Variants in ZNF503 observed in about 807,000 individuals in gnomAD.
ZNF503 encodes the protein NocA-like zinc finger 2.
Under a neutral mutation model 34.4 loss-of-function variants are expected in ZNF503, and 15 were observed. The ratio of observed to expected loss-of-function variants is 0.44; its 90% CI spans 0.29 to 0.67. The LOEUF (loss-of-function observed/expected upper bound fraction) is 0.67, where lower values mean the gene tolerates loss of function less well. Among genes scored for constraint, ZNF503 ranks in the 30% least tolerant of loss-of-function variants. The probability of loss-of-function intolerance (pLI) is 0.13; values close to 1 mark genes in which losing one functional copy is unlikely to be tolerated. For missense variants in ZNF503, 1,007 were observed against 926.8 expected, an observed-to-expected ratio of 1.09 and a Z score of -1.12; for synonymous variants, 580 against 456.8, an observed-to-expected ratio of 1.27 and a Z score of -3.44.
the ZNF503 span, among the ~76,000 whole-genome samples, chr10:75,356,356 A>G: frequency 6.6e-6 from 1 of 152,148 alleles, no homozygotes; most frequent in African/African-American, 2.4e-5. Context: ...AGCTGGGACT[A>G]CACGCACCTG....
chr10:75,289,678 C>T, the ZNF503 span, among the ~76,000 whole-genome samples: 6 of 152,158 alleles, frequency 3.9e-5, no homozygotes, highest in South Asian at 2.1e-4. Context: ...CTCCGCCTCC[C>T]GAGTTCAAGT....
At chr10:75,364,913 G>A in the ZNF503 span, among the ~76,000 whole-genome samples, 1 of 152,212 alleles carries the variant, frequency 6.6e-6, no homozygotes, top group African/African-American at 2.4e-5. Flanking sequence ...GGCTCAGAGA[G>A]CAGGTTTAGG....
At chr10:75,342,692 G>A in the ZNF503 span, among the ~76,000 whole-genome samples, 1 of 152,012 alleles carries the variant, frequency 6.6e-6, no homozygotes, top group Non-Finnish European at 1.5e-5. Flanking sequence ...TTGTGGGTGT[G>A]GTTTGCTCCT....
chr10:75,313,346 T>C, the ZNF503 span, among the ~76,000 whole-genome samples: 529 of 152,252 alleles, frequency 3.5e-3, 4 homozygotes, highest in African/African-American at 0.012. Context: ...AGAACAGTTG[T>C]ATTAGATTCA....
chr10:75,347,249 T>C, the ZNF503 span, among the ~76,000 whole-genome samples: 4 of 152,190 alleles, frequency 2.6e-5, no homozygotes, highest in Non-Finnish European at 1.5e-5. Flanking sequence ...GTGACTATGT[T>C]CATGTCTCCA....
At chr10:75,339,544 A>T in the ZNF503 span, among the ~76,000 whole-genome samples, 49,461 of 152,068 alleles carry the variant, frequency 0.33, 8,301 homozygotes, top group South Asian at 0.41. Flanking sequence ...TAGACATTCA[A>T]GGTGCTGTGA....
At chr10:75,289,454 G>A in the ZNF503 span, among the ~76,000 whole-genome samples, 1 of 152,154 alleles carries the variant, frequency 6.6e-6, no homozygotes, top group Non-Finnish European at 1.5e-5. Context: ...ACTGAAAATG[G>A]TTTGTCTCTG....
chr10:75,329,411 T>G, the ZNF503 span, among the ~76,000 whole-genome samples: 1 of 89,446 alleles, frequency 1.1e-5, no homozygotes, highest in East Asian at 3.4e-4. Flanking sequence ...CCTTCCTTCC[T>G]TCCTTTCCTT....
the ZNF503 span, among the ~76,000 whole-genome samples, chr10:75,379,617 A>G: frequency 6.6e-6 from 1 of 152,226 alleles, no homozygotes; most frequent in Non-Finnish European, 1.5e-5. Context: ...TCTGTGATCC[A>G]GAATACATTA....
At chr10:75,392,544 A>G in the ZNF503 span, among the ~76,000 whole-genome samples, 1 of 152,128 alleles carries the variant, frequency 6.6e-6, no homozygotes, top group African/African-American at 2.4e-5. Flanking sequence ...GGAGTGTATG[A>G]TGGGTGCCAT....
the ZNF503 span, among the ~76,000 whole-genome samples, chr10:75,348,570 G>A: frequency 1.5e-5 from 2 of 137,176 alleles, no homozygotes; most frequent in African/African-American, 5.5e-5. Context: ...GGAATGCAGT[G>A]GCACAATCTC....
downstream of ZNF503, among the ~76,000 whole-genome samples, chr10:75,397,537 C>T (rs1843715295): frequency 6.6e-6 from 1 of 152,230 alleles, no homozygotes; most frequent in Non-Finnish European, 1.5e-5. Context: ...CGCCCCACAC[C>T]CCCTTTCACT....
At position 75,400,084 on chromosome 10, in the gene ZNF503, G is replaced by GCCCCCC; in HGVS notation, c.605_606insGGGGGG (p.Gly203_Gly204dup). On this transcript the variant is annotated inframe_insertion, in exon 2 of 2. Coordinates refer to ENST00000372524, the MANE Select transcript of ZNF503 (RefSeq NM_032772.6). ...CCGACTTCTCCGACGAAACACCCCCGCCGCCGCCCCCGCCACCGCCACCGC... is the reference window on the plus strand; with the variant it reads ...CCGACTTCTCCGACGAAACACCCCCGCCCCCCCCGCCGCCCCCGCCACCGCCACCGC... 1 of 676,644 alleles carries GCCCCCC rather than the reference G, an allele frequency of 1.5e-6. No individual in the cohort carries two copies. The highest frequency in any genetic ancestry group is 2.1e-5 in the South Asian group (1 of 46,602). The allele number at this position is 676,644 out of a possible 1,614,324, so 41.9% of individuals were successfully genotyped here.
downstream of ZNF503, among the ~76,000 whole-genome samples, chr10:75,396,831 T>C (rs1048765758): frequency 1.3e-5 from 2 of 152,094 alleles, no homozygotes; most frequent in Admixed American, 6.5e-5. This position sits in a 1 kb window ranked among gnomAD's most constrained non-coding sequence, Gnocchi z 4.4. Context: ...GCGCTGGGTC[T>C]CGGCCCCCCT....
At chr10:75,322,890 A>G in the ZNF503 span, among the ~76,000 whole-genome samples, 7 of 152,148 alleles carry the variant, frequency 4.6e-5, no homozygotes, top group Non-Finnish European at 8.8e-5. Context: ...TGTAATTTGT[A>G]TTTCATTTTG....
At chr10:75,313,698 C>A in the ZNF503 span, among the ~76,000 whole-genome samples, 1 of 152,318 alleles carries the variant, frequency 6.6e-6, no homozygotes, top group Non-Finnish European at 1.5e-5. Flanking sequence ...CTTCCCCCAA[C>A]CTGGATTCCT....
the ZNF503 span, among the ~76,000 whole-genome samples, chr10:75,364,715 A>C: frequency 6.6e-6 from 1 of 152,214 alleles, no homozygotes; most frequent in Non-Finnish European, 1.5e-5. Context: ...TTAGAAAAAA[A>C]AATTTGTGGG....
Position 75,399,757 on chromosome 10 carries a change from G to A in ZNF503, c.933C>T (p.Cys311=). The A allele has an allele frequency of 6.3e-7, 1 of 1,592,452 alleles. No individual in the cohort carries two copies. The highest frequency in any genetic ancestry group is 8.5e-7 in the Non-Finnish European group (1 of 1,173,746). ...GPGGKALGSD[C]GGSSGSSSGS... ...CGGAGCTGGAGCCCGATGAACCGCCGCAGTCCGAGCCCAGAGCCTTGCCTC... is the reference window on the plus strand; with the variant it reads ...CGGAGCTGGAGCCCGATGAACCGCCACAGTCCGAGCCCAGAGCCTTGCCTC... The change falls in exon 2 of 2, where the codon TGC becomes TGT. Residue 311 remains cysteine (C), a synonymous_variant. Transcript: ENST00000372524.
intron 1 of ZNF503, 124 bp downstream of exon 1, chr10:75,400,981 T>C (rs1843795438): frequency 7.2e-7 from 1 of 1,394,032 alleles, no homozygotes; most frequent in African/African-American, 1.4e-5. Context: ...CAGTAGCCTC[T>C]TCCCCCATTC....
Sources: allele counts gnomAD v4.1 joint callset (sites outside exome capture counted in the v4.1 genomes callset), GRCh38; gene constraint gnomAD v4.1.1; non-coding constraint Gnocchi (gnomAD v3.1); transcripts MANE v1.5; gene names NCBI Gene and HGNC (gene_info 2026-07-23, HGNC 2026-07-21).